GALNT17: variants seen among roughly 807,000 people sequenced by gnomAD.
GALNT17 encodes UDP-GalNAc:polypeptide N-acetylgalactosaminyltransferase-like 3.
Under a neutral mutation model 63.7 loss-of-function variants are expected in GALNT17, and 29 were observed. The observed-to-expected ratio is 0.46, with a 90% CI of 0.34 to 0.62. The LOEUF is 0.62. Ranked by LOEUF, GALNT17 falls within the 20% of genes least tolerant of loss-of-function variation. The pLI is 0.01. For synonymous variants in GALNT17, 305 were observed against 318.3 expected (o/e 0.96, Z 0.45); for missense variants, 603 against 799.6 (o/e 0.75, Z 2.97).
At chr7:71,332,425 A>C (rs939270532) in intron 1 of GALNT17, among the ~76,000 whole-genome samples, 5 of 152,180 alleles carry the variant, frequency 3.3e-5, no homozygotes, top group African/African-American at 4.8e-5. Context: ...CTTTTAGTTA[A>C]TGAGCAACTC....
chr7:71,585,407 A>C (rs967877516), intron 6 of GALNT17, among the ~76,000 whole-genome samples: 5 of 152,124 alleles, frequency 3.3e-5, no homozygotes, highest in African/African-American at 9.7e-5. Flanking sequence ...TAGACTCTAC[A>C]CTCATTCTGC....
intron 6 of GALNT17, among the ~76,000 whole-genome samples, chr7:71,596,659 G>A (rs1379843703): frequency 6.6e-6 from 1 of 152,034 alleles, no homozygotes; most frequent in Non-Finnish European, 1.5e-5. Context: ...GTGGTCATGT[G>A]CTGCAAGAAA....
intron 6 of GALNT17, among the ~76,000 whole-genome samples, chr7:71,586,827 G>A (rs1192683662): frequency 1.3e-5 from 2 of 151,870 alleles, no homozygotes; most frequent in African/African-American, 4.8e-5. Context: ...GTGTAATTGA[G>A]ATATTTATAG....
intron 6 of GALNT17, among the ~76,000 whole-genome samples, chr7:71,574,921 T>G (rs1789511080): frequency 6.6e-6 from 1 of 152,098 alleles, no homozygotes; most frequent in African/African-American, 2.4e-5. Flanking sequence ...TCTAGTCCCT[T>G]CTCCAGGTGC....
chr7:71,177,021 G>A (rs1039058330), intron 1 of GALNT17, among the ~76,000 whole-genome samples: 9 of 152,124 alleles, frequency 5.9e-5, no homozygotes, highest in African/African-American at 9.7e-5. Flanking sequence ...ACAGAGCTTC[G>A]AGCAGGGGCA....
intron 6 of GALNT17, among the ~76,000 whole-genome samples, chr7:71,658,093 A>T (rs1208153347): frequency 6.6e-6 from 1 of 152,078 alleles, no homozygotes; most frequent in Non-Finnish European, 1.5e-5. Context: ...TCTTTTGTAG[A>T]GGCTGGTCTC....
intron 6 of GALNT17, among the ~76,000 whole-genome samples, chr7:71,644,628 G>A (rs890102878): frequency 6.6e-6 from 1 of 151,540 alleles, no homozygotes; most frequent in Non-Finnish European, 1.5e-5. Context: ...GTGCACACCT[G>A]TAGCCCTAGC....
rs28631402 is a variant in GALNT17 at position 71,551,326 on chromosome 7, T to C, written c.963-19959T>C. Among the ~76,000 whole-genome samples, 680 of 152,324 alleles carry C rather than the reference T, an allele frequency of 4.5e-3. 8 individuals are homozygous for C. Among genetic ancestry groups the C allele is most frequent in the African/African-American group, 0.016 (647 of 41,578 alleles). ...TTTTTCAAATATGTTGTGCTACTTT[T>C]TGTGATTTCCAGTTTCCTGCCAAAA... On this transcript the variant is annotated intron_variant, in intron 5 of 10. Transcript: ENST00000333538.
At chr7:71,367,810 G>A (rs1377583848) in intron 2 of GALNT17, among the ~76,000 whole-genome samples, 1 of 152,218 alleles carries the variant, frequency 6.6e-6, no homozygotes, top group Non-Finnish European at 1.5e-5. Flanking sequence ...GCAGTCAGCT[G>A]CATAGAACAA....
chr7:71,526,711 G>C (rs554186181), intron 5 of GALNT17, among the ~76,000 whole-genome samples: 2 of 151,902 alleles, frequency 1.3e-5, no homozygotes, highest in South Asian at 2.1e-4. Flanking sequence ...GTAGAGACAG[G>C]GTTTCACCAT....
rs534430917 is a variant in GALNT17, at chr7:71,375,332, G to A, written c.423-12903G>A. 3.3e-5 allele frequency among the ~76,000 whole-genome samples: 5 copies of A among 152,274 alleles called. No individual in the cohort carries two copies. In the South Asian group the frequency reaches 1.0e-3, roughly 32 times the overall value. On this transcript the variant is annotated intron_variant, in intron 2 of 10. Transcript: ENST00000333538. ...ATACGTTTCTCATTTCTCTGCTGACGTTGCAGGGTAACAACTTTTAGGACC... is the reference window on the plus strand; with the variant it reads ...ATACGTTTCTCATTTCTCTGCTGACATTGCAGGGTAACAACTTTTAGGACC...
At chr7:71,389,145 T>C (rs568242245) in intron 3 of GALNT17, among the ~76,000 whole-genome samples, 1 of 152,052 alleles carries the variant, frequency 6.6e-6, no homozygotes, top group Admixed American at 6.5e-5. Context: ...CTGCCCTTTT[T>C]TTTTTTGAGA....
chr7:71,351,193 A>G (rs960954870), intron 2 of GALNT17, among the ~76,000 whole-genome samples: 3 of 152,248 alleles, frequency 2.0e-5, no homozygotes, highest in Non-Finnish European at 4.4e-5. Context: ...CCTCTGTCAG[A>G]AAACCTCTCT....
At chr7:71,177,901 G>T (rs963467120) in intron 1 of GALNT17, among the ~76,000 whole-genome samples, 1 of 152,126 alleles carries the variant, frequency 6.6e-6, no homozygotes, top group African/African-American at 2.4e-5. Flanking sequence ...TAAAAGGAAG[G>T]TAGGGGTTGC....
intron 2 of GALNT17, among the ~76,000 whole-genome samples, chr7:71,379,813 T>G (rs1792811425): frequency 6.6e-6 from 1 of 152,018 alleles, no homozygotes; most frequent in African/African-American, 2.4e-5. Context: ...AGGCTAGAGA[T>G]GTGGGTTTGG....
chr7:71,179,091 C>G (rs1263999139), intron 1 of GALNT17, among the ~76,000 whole-genome samples: 2 of 152,148 alleles, frequency 1.3e-5, no homozygotes, highest in Non-Finnish European at 2.9e-5. Flanking sequence ...GGAAAATACC[C>G]TGGGTCCCCA....
At chr7:71,296,881 A>G (rs1791091074) in intron 1 of GALNT17, among the ~76,000 whole-genome samples, 1 of 152,196 alleles carries the variant, frequency 6.6e-6, no homozygotes, top group Admixed American at 6.5e-5. Flanking sequence ...CTGCTGTGTC[A>G]TTGATCTTGG....
chr7:71,659,002 C>T (rs1790868468), intron 6 of GALNT17, among the ~76,000 whole-genome samples: 1 of 152,320 alleles, frequency 6.6e-6, no homozygotes, highest in Admixed American at 6.5e-5. Context: ...TCCATCTCCC[C>T]TCTTCATGCT....
chr7:71,570,036 C>T (rs1385089378), intron 5 of GALNT17, among the ~76,000 whole-genome samples: 2 of 151,412 alleles, frequency 1.3e-5, no homozygotes, highest in East Asian at 3.9e-4. Flanking sequence ...ACCTTGCCAA[C>T]ATCTGGTGGG....
Sources: allele counts gnomAD v4.1 joint callset (sites outside exome capture counted in the v4.1 genomes callset), GRCh38; gene constraint gnomAD v4.1.1; transcripts MANE v1.5; gene names NCBI Gene and HGNC (gene_info 2026-07-23, HGNC 2026-07-21).